The following DRC5 variants were observed in gnomAD, a reference collection of about 807,000 sequenced individuals.
DRC5 encodes dynein regulatory complex subunit 5, also known as T-complex-associated testis-expressed protein 1.
the DRC5 span, among the ~76,000 whole-genome samples, chr6:44,280,637 A>T: frequency 1.3e-5 from 2 of 152,266 alleles, no homozygotes; most frequent in African/African-American, 4.8e-5. Flanking sequence ...AGATAATTCC[A>T]TTCCTTTGGT....
chr6:44,285,937 G>T, the DRC5 span: 34 of 1,578,984 alleles, frequency 2.2e-5, 1 homozygote, highest in Middle Eastern at 3.4e-4. Context: ...GAGAAGGGGT[G>T]GGGGGAAGGC....
chr6:44,278,870 TACACACACACAC>T, the DRC5 span: 1 of 149,828 alleles, frequency 6.7e-6, no homozygotes, highest in Non-Finnish European at 1.5e-5. Flanking sequence ...GCTGTGGCTA[TACACACACACAC>T]ACACACACAC....
At chr6:44,297,674 C>T in the DRC5 span, 1 of 152,224 alleles carries the variant, frequency 6.6e-6, no homozygotes, top group Non-Finnish European at 1.5e-5. Flanking sequence ...CCGGGAGCCC[C>T]GGCGCTCGCC....
the DRC5 span, among the ~76,000 whole-genome samples, chr6:44,297,197 G>A: frequency 6.6e-6 from 1 of 152,180 alleles, no homozygotes; most frequent in Admixed American, 6.5e-5. Flanking sequence ...CAGGGAAACC[G>A]GCAGTGCAGT....
chr6:44,287,944 G>GC, the DRC5 span: 1 of 1,355,034 alleles, frequency 7.4e-7, no homozygotes, highest in Admixed American at 2.7e-5. Context: ...GAGGGTAGAG[G>GC]TGTTACTTTG....
At chr6:44,288,586 C>A in the DRC5 span, among the ~76,000 whole-genome samples, 1 of 152,136 alleles carries the variant, frequency 6.6e-6, no homozygotes, top group Non-Finnish European at 1.5e-5. Flanking sequence ...ACAGCAACTG[C>A]CTGATCCGTA....
chr6:44,296,330 C>T, the DRC5 span, among the ~76,000 whole-genome samples: 1 of 152,332 alleles, frequency 6.6e-6, no homozygotes, highest in South Asian at 2.1e-4. Flanking sequence ...AGTCCAGGCT[C>T]CCTCTTCCAG....
the DRC5 span, chr6:44,280,409 G>T: frequency 6.3e-7 from 1 of 1,592,066 alleles, no homozygotes; most frequent in South Asian, 1.1e-5. Context: ...AGGGTGCAAA[G>T]GAAGGGGTCA....
the DRC5 span, chr6:44,280,133 G>T: frequency 6.6e-7 from 1 of 1,523,594 alleles, no homozygotes; most frequent in African/African-American, 1.4e-5. Flanking sequence ...CATGGCAGGG[G>T]TATGAAATGA....
At chr6:44,282,226 T>C in the DRC5 span, 1 of 1,614,118 alleles carries the variant, frequency 6.2e-7, no homozygotes, top group South Asian at 1.1e-5. Context: ...AGGTGCAGCG[T>C]GGTGAGGCAC....
the DRC5 span, among the ~76,000 whole-genome samples, chr6:44,291,596 T>C: frequency 2.0e-5 from 3 of 152,306 alleles, no homozygotes; most frequent in African/African-American, 7.2e-5. Flanking sequence ...CACCACAGAC[T>C]TCTCTCCCTC....
At chr6:44,286,201 C>G in the DRC5 span, 1 of 1,611,678 alleles carries the variant, frequency 6.2e-7, no homozygotes, top group Non-Finnish European at 8.5e-7. Flanking sequence ...GGAGCTGGGC[C>G]GGGAGCTGCA....
the DRC5 span, chr6:44,287,621 G>C: frequency 3.7e-6 from 6 of 1,614,198 alleles, no homozygotes; most frequent in South Asian, 6.6e-5. Context: ...GACCACTCAG[G>C]ATCCTCAGCA....
chr6:44,296,664 G>A, the DRC5 span, among the ~76,000 whole-genome samples: 299 of 41,398 alleles, frequency 7.2e-3, 1 homozygote, highest in African/African-American at 0.015. Context: ...GGAGACACCC[G>A]GCCCTCTTTG....
chr6:44,287,789 G>A, the DRC5 span: 1 of 1,614,134 alleles, frequency 6.2e-7, no homozygotes, highest in Non-Finnish European at 8.5e-7. Flanking sequence ...GAGTGGCTGG[G>A]GTCCAACAAT....
chr6:44,285,972 T>C, the DRC5 span: 1 of 1,612,888 alleles, frequency 6.2e-7, no homozygotes, highest in African/African-American at 1.3e-5. Flanking sequence ...ACCTTGAGGG[T>C]GTGGCATGCC....
the DRC5 span, chr6:44,285,949 G>GA: frequency 6.2e-7 from 1 of 1,600,456 alleles, no homozygotes; most frequent in Non-Finnish European, 8.5e-7. Flanking sequence ...GGGGAAGGCT[G>GA]GGAGCAGACA....
chr6:44,295,631 C>T, the DRC5 span, among the ~76,000 whole-genome samples: 1 of 152,176 alleles, frequency 6.6e-6, no homozygotes, highest in Admixed American at 6.5e-5. Flanking sequence ...ATCTGGTGGA[C>T]AGGTGTTCTG....
the DRC5 span, among the ~76,000 whole-genome samples, chr6:44,295,448 C>T: frequency 6.6e-6 from 1 of 152,188 alleles, no homozygotes. Context: ...TACTCTGCAT[C>T]CTCAGGACCA....
Sources: allele counts gnomAD v4.1 joint callset (sites outside exome capture counted in the v4.1 genomes callset), GRCh38; gene constraint gnomAD v4.1.1; transcripts MANE v1.5; gene names NCBI Gene and HGNC (gene_info 2026-07-23, HGNC 2026-07-21).